MARK1: variants seen among roughly 807,000 people sequenced by gnomAD.
The protein encoded by MARK1 is microtubule affinity regulating kinase 1, also known as serine/threonine-protein kinase MARK1.
In MARK1, 40 loss-of-function variants were observed where a neutral mutation model predicts 96.3. The observed-to-expected ratio is 0.42, with a 90% confidence interval of 0.32 to 0.54. The LOEUF is 0.54. MARK1 is among the 20% of genes least tolerant of loss of function. The probability of loss-of-function intolerance (pLI) is 0.16; values close to 1 mark genes in which losing one functional copy is unlikely to be tolerated. For synonymous variants in MARK1, 317 were observed against 341.2 expected (o/e 0.93, Z 0.78); for missense variants, 719 against 984.6 (o/e 0.73, Z 3.61).
In MARK1 at chr1:220,633,348, T is replaced by G. The variant is rs548744956; in HGVS notation, c.1122+1035T>G. Among the ~76,000 whole-genome samples the G allele has an allele frequency of 2.0e-5, 3 of 151,660 alleles. No homozygotes were observed. In the South Asian group the frequency reaches 6.2e-4, roughly 31 times the overall value. On this transcript the variant is annotated intron_variant, in intron 11 of 17. Coordinates refer to ENST00000366917, the MANE Select transcript of MARK1 (RefSeq NM_018650.5). ...AGAGTCAAGAACAGATCGCAGAGCA[T>G]TAACAATTTATTGGAAGTTAGACAT...
At chr1:220,653,959 A>G (rs888366539) in intron 16 of MARK1, among the ~76,000 whole-genome samples, 1 of 152,246 alleles carries the variant, frequency 6.6e-6, no homozygotes, top group African/African-American at 2.4e-5. Context: ...CATTGATGAT[A>G]CAAGTTGCTA....
At chr1:220,611,512 C>T (rs1025400369) in intron 6 of MARK1, among the ~76,000 whole-genome samples, 8 of 152,048 alleles carry the variant, frequency 5.3e-5, no homozygotes, top group Admixed American at 2.6e-4. Context: ...GGGAAATACC[C>T]CAACCCCTCG....
Position 220,650,639 on chromosome 1 carries a change from G to A in MARK1, c.1490G>A (p.Gly497Asp), listed in dbSNP as rs1332908780. ...TTGAAGAACAATGTGTATTCTGGAG[G>A]TAGCATGGCAAGAAGGAATACATAT... ...TIPSNNVYSGGSMARRNTYVC... is the reference protein window; with the variant it reads ...TIPSNNVYSGDSMARRNTYVC... The change falls in exon 14 of 18, where the codon GGT becomes GAT. Residue 497 changes from glycine (G) to aspartate (D), a missense_variant. By Grantham distance (94) the Gly-to-Asp change is moderately conservative. Transcript: ENST00000366917. 5 of 1,607,498 alleles carry A rather than the reference G, an allele frequency of 3.1e-6. No individual in the cohort carries two copies. In the African/African-American group the frequency reaches 4.0e-5, roughly 13 times the overall value.
chr1:220,566,511 G>T (rs981950175), intron 1 of MARK1, among the ~76,000 whole-genome samples: 22 of 152,100 alleles, frequency 1.4e-4, no homozygotes, highest in Non-Finnish European at 2.8e-4. Context: ...CGTTGCTGGG[G>T]TTTTTTGTTT....
chr1:220,650,236 G>A lies in MARK1; in HGVS notation c.1471-384G>A, dbSNP rs74139798. On this transcript the variant is annotated intron_variant, in intron 13 of 17. Coordinates refer to ENST00000366917, the MANE Select transcript of MARK1 (RefSeq NM_018650.5). ...AGTGGGCATGCCATCTTCACTGCCC[G>A]AGGCTCCTGTTGGTGATGATACTTA... Among the ~76,000 whole-genome samples, 403 of 152,216 alleles carry A rather than the reference G, an allele frequency of 2.6e-3. 2 individuals carry two copies. The highest frequency in any genetic ancestry group is 9.4e-3 in the African/African-American group (389 of 41,536).
intron 1 of MARK1, among the ~76,000 whole-genome samples, chr1:220,548,340 A>G (rs1306619145): frequency 1.3e-5 from 2 of 152,250 alleles, no homozygotes; most frequent in African/African-American, 2.4e-5. Flanking sequence ...ATATTAGGAA[A>G]TAATTACTGG....
Position 220,581,096 on chromosome 1 carries a change from TA to T in MARK1, c.290del (p.Asn97IlefsTer14). 7.8e-7 allele frequency: 1 copy of T among 1,284,824 alleles called. No homozygotes were observed. The highest frequency in any genetic ancestry group is 1.0e-6 in the Non-Finnish European group (1 of 966,110). 79.6% of individuals were successfully genotyped at this position (1,284,824 alleles called of 1,614,324 possible). On this transcript the variant is annotated frameshift_variant, in exon 3 of 18. Coordinates refer to ENST00000366917, the MANE Select transcript of MARK1 (RefSeq NM_018650.5). LOFTEE classifies it high-confidence loss of function. ...VAVKIIDKTQ[L>X]NPTSLQKLFR... ...GTGAAAATAATAGACAAAACTCAGC[TA>T]AATCCTACCAGTCTACAAAAGGTAT...
chr1:220,651,991 C>T lies in MARK1; in HGVS notation c.1577C>T (p.Thr526Met), dbSNP rs565080172. 8.2e-6 allele frequency: 13 copies of T among 1,592,472 alleles called. No individual in the cohort carries two copies. The highest frequency in any genetic ancestry group is 1.7e-4 in the Middle Eastern group (1 of 5,982). ...ALQNGKDSSL[T>M]EMSVSSISSA... ...CAACTGCTTTATGGTGAAAGCCTTA[C>T]GGAGATGTCTGTGAGTAGCATATCT... The change falls in exon 15 of 18, where the codon ACG (threonine) becomes ATG (methionine). Residue 526 changes from threonine to methionine, a missense_variant. Physicochemically the swap from Thr to Met is moderately conservative, Grantham distance 81. Around this residue, in one of 4 missense-constraint regions of MARK1, gnomAD observed 501 missense variants for 588.3 expected, o/e 0.85. Coordinates refer to ENST00000366917, the MANE Select transcript of MARK1 (RefSeq NM_018650.5).
At chr1:220,529,943 A>T (rs970348096) in intron 1 of MARK1, among the ~76,000 whole-genome samples, 3 of 152,166 alleles carry the variant, frequency 2.0e-5, no homozygotes, top group African/African-American at 7.2e-5. Flanking sequence ...CTGTCTAGTT[A>T]TCTCATCAGC....
intron 1 of MARK1, among the ~76,000 whole-genome samples, chr1:220,578,248 T>G (rs1480482237): frequency 6.6e-6 from 1 of 152,218 alleles, no homozygotes; most frequent in Non-Finnish European, 1.5e-5. Context: ...TCACAAAAAC[T>G]GCTAGAAATT....
At chr1:220,529,985 G>A (rs1452269914) in intron 1 of MARK1, among the ~76,000 whole-genome samples, 1 of 152,128 alleles carries the variant, frequency 6.6e-6, no homozygotes, top group Admixed American at 6.5e-5. Flanking sequence ...CTGACTTCAT[G>A]GGGTTGGTAA....
intron 7 of MARK1, among the ~76,000 whole-genome samples, chr1:220,617,799 A>G (rs1044077757): frequency 2.0e-5 from 3 of 152,212 alleles, no homozygotes; most frequent in Non-Finnish European, 4.4e-5. Context: ...AAAACATTCT[A>G]CAAGAGAGAA....
intron 6 of MARK1, among the ~76,000 whole-genome samples, chr1:220,609,580 A>G (rs1422017867): frequency 6.6e-6 from 1 of 152,156 alleles, no homozygotes; most frequent in Non-Finnish European, 1.5e-5. Context: ...GTTAGGTGTG[A>G]ATTTGCTCCT....
chr1:220,562,839 A>C (rs572896320), intron 1 of MARK1, among the ~76,000 whole-genome samples: 2 of 152,330 alleles, frequency 1.3e-5, no homozygotes, highest in African/African-American at 4.8e-5. Context: ...ATGTGGATTC[A>C]ATGTAGTATT....
At chr1:220,627,219 G>A (rs910268186) in intron 9 of MARK1, 1 of 480,630 alleles carries the variant, frequency 2.1e-6, no homozygotes, top group South Asian at 1.6e-5. Context: ...AATGGATCTC[G>A]ATCTGTTCCT....
At chr1:220,628,733 C>A (rs781656977) in intron 9 of MARK1, among the ~76,000 whole-genome samples, 2 of 152,028 alleles carry the variant, frequency 1.3e-5, no homozygotes, top group Admixed American at 6.6e-5. Flanking sequence ...CTAAGGATTC[C>A]TGAGTCTCAA....
intron 1 of MARK1, among the ~76,000 whole-genome samples, chr1:220,551,491 A>C (rs1661848782): frequency 6.6e-6 from 1 of 152,192 alleles, no homozygotes; most frequent in Non-Finnish European, 1.5e-5. Flanking sequence ...ATTTAGCCAC[A>C]CTTCTCTTAA....
chr1:220,536,268 C>G (rs772437967), intron 1 of MARK1, among the ~76,000 whole-genome samples: 5 of 151,720 alleles, frequency 3.3e-5, no homozygotes, highest in African/African-American at 4.8e-5. Flanking sequence ...TTTTTCTTGT[C>G]TAACTGCTCT....
chr1:220,583,587 G>A (rs956800608), intron 3 of MARK1, among the ~76,000 whole-genome samples: 12 of 151,274 alleles, frequency 7.9e-5, no homozygotes, highest in Non-Finnish European at 1.5e-4. Context: ...CAAAGCATTA[G>A]TTCTACCTCA....
Sources: allele counts gnomAD v4.1 joint callset (sites outside exome capture counted in the v4.1 genomes callset), GRCh38; gene constraint gnomAD v4.1.1; regional missense constraint gnomAD v4.1.1; transcripts MANE v1.5; gene names NCBI Gene and HGNC (gene_info 2026-07-23, HGNC 2026-07-21).